SASH1: variants seen among roughly 807,000 people sequenced by gnomAD.
SASH1 encodes SAM and SH3 domain containing 1.
SASH1 carries 44 observed loss-of-function variants against 125.2 expected under a neutral mutation model. That is an observed-to-expected ratio of 0.35 (90% CI 0.28 to 0.45). The LOEUF (loss-of-function observed/expected upper bound fraction) is 0.45. Among genes scored for constraint, SASH1 ranks in the 20% least tolerant of loss-of-function variants. The probability of loss-of-function intolerance (pLI) is 1.00; values close to 1 mark genes in which losing one functional copy is unlikely to be tolerated. For synonymous variants in SASH1, 639 were observed against 649.1 expected, an observed-to-expected ratio of 0.98 and a Z score of 0.24; for missense variants, 1,426 against 1,614.5, an observed-to-expected ratio of 0.88 and a Z score of 2.00.
chr6:148,242,218 T>C, the SASH1 span, among the ~76,000 whole-genome samples: 1 of 152,176 alleles, frequency 6.6e-6, no homozygotes, highest in Admixed American at 6.5e-5. Context: ...TTTCCTTGTG[T>C]AAGTAACAAG....
At chr6:148,323,684 G>T (rs548982336) in intron 1 of SASH1, among the ~76,000 whole-genome samples, 2 of 152,264 alleles carry the variant, frequency 1.3e-5, no homozygotes, top group South Asian at 4.2e-4. Flanking sequence ...AGATGCAGAG[G>T]AGGCTGAGAA....
the SASH1 span, among the ~76,000 whole-genome samples, chr6:148,194,867 C>T: frequency 2.0e-5 from 3 of 152,242 alleles, no homozygotes; most frequent in Non-Finnish European, 2.9e-5. Flanking sequence ...GATCGCGCCA[C>T]TGCACTCCAG....
chr6:148,257,621 C>T, the SASH1 span, among the ~76,000 whole-genome samples: 1 of 148,954 alleles, frequency 6.7e-6, no homozygotes, highest in African/African-American at 2.5e-5. Context: ...TTGTCATTGT[C>T]AGTTTACTTT....
chr6:148,338,503 G>T (rs1234548356), upstream of SASH1, among the ~76,000 whole-genome samples: 1 of 151,740 alleles, frequency 6.6e-6, no homozygotes, highest in African/African-American at 2.4e-5. Flanking sequence ...GTGTTCACTT[G>T]GACTTATCAT....
At chr6:148,527,991 G>T (rs1308061898) in intron 12 of SASH1, among the ~76,000 whole-genome samples, 21 of 135,674 alleles carry the variant, frequency 1.5e-4, no homozygotes, top group African/African-American at 2.8e-4. Flanking sequence ...TTTTTTTTGG[G>T]GGGGGGGGTG....
At chr6:148,241,125 C>G in the SASH1 span, among the ~76,000 whole-genome samples, 1 of 152,186 alleles carries the variant, frequency 6.6e-6, no homozygotes, top group Non-Finnish European at 1.5e-5. Context: ...TTAGAACCAT[C>G]AGATTCTAGG....
At chr6:148,369,973 A>AC (rs1782645776) in intron 1 of SASH1, among the ~76,000 whole-genome samples, 1 of 149,680 alleles carries the variant, frequency 6.7e-6, no homozygotes, top group Non-Finnish European at 1.5e-5. Context: ...AAACAAAAAA[A>AC]AAAAAAAAAA....
chr6:148,360,150 G>A (rs1490407179), intron 1 of SASH1, among the ~76,000 whole-genome samples: 1 of 151,988 alleles, frequency 6.6e-6, no homozygotes, highest in Non-Finnish European at 1.5e-5. Flanking sequence ...TTCCTACATG[G>A]CTCTGCATTC....
At chr6:148,443,671 T>G (rs1776653565) in intron 4 of SASH1, among the ~76,000 whole-genome samples, 3 of 151,976 alleles carry the variant, frequency 2.0e-5, no homozygotes, top group Admixed American at 1.3e-4. Flanking sequence ...CATTGATGAT[T>G]ATTTTGTATA....
In SASH1 at chr6:148,440,403, A is replaced by G. The variant is rs1339912073; in HGVS notation, c.382A>G (p.Arg128Gly). ...CGCCGTGTCAACCCCAGAAGTGGAA[A>G]GAAAGTAAGTCTTTCTCCCTCTGCC... ...CSAVSTPEVE[R>G]KNPLHKSNSE... The change falls in exon 4 of 20, where the codon AGA becomes GGA. Residue 128 changes from arginine (R) to glycine (G), a missense_variant. Arg to Gly is a moderately radical substitution (Grantham distance 125). This residue lies in a region of SASH1 where 567 missense variants were observed against 575.6 expected (regional missense o/e 0.99). Transcript: ENST00000367467. The G allele has an allele frequency of 1.9e-6, 3 of 1,614,018 alleles. No individual in the cohort carries two copies. The Admixed American group carries it at 5.0e-5, about 27-fold the overall frequency.
chr6:148,366,230 G>A (rs1445336317), intron 1 of SASH1, among the ~76,000 whole-genome samples: 5 of 152,130 alleles, frequency 3.3e-5, no homozygotes, highest in Non-Finnish European at 7.3e-5. Flanking sequence ...GCTGCAGTGA[G>A]CTGTGTTCGC....
rs368513083 is a variant in SASH1 at position 148,527,587 on chromosome 6, C to T, written c.1419C>T (p.Val473=). The T allele has an allele frequency of 2.2e-5, 36 of 1,608,840 alleles. No homozygotes were observed. The highest frequency in any genetic ancestry group is 1.7e-4 in the Middle Eastern group (1 of 6,046). Residue 473 remains valine, a synonymous_variant, in exon 12 of 20, where the codon GTC becomes GTT. Transcript: ENST00000367467. The part of the protein sequence containing the change: ...KRMSKKYSSS[V]SEQDSGLDGM... The stretch of plus-strand genomic sequence containing the variant: ...TGTCTAAAAAATACAGCAGCTCTGT[C>T]TCTGAGCAGGTATGCAGCTACCTGG...
chr6:148,322,732 G>GTC (rs773325585), intron 1 of SASH1, among the ~76,000 whole-genome samples: 10 of 151,912 alleles, frequency 6.6e-5, no homozygotes, highest in East Asian at 1.9e-4. Flanking sequence ...TCTAGAACCA[G>GTC]TCTCTCTCTC....
chr6:148,447,551 C>G (rs1001772164), intron 4 of SASH1, among the ~76,000 whole-genome samples: 1 of 152,162 alleles, frequency 6.6e-6, no homozygotes, highest in Non-Finnish European at 1.5e-5. Context: ...CCCTCCAACT[C>G]CCTGCTTTGG....
the SASH1 span, among the ~76,000 whole-genome samples, chr6:148,251,113 G>A: frequency 6.6e-6 from 1 of 152,168 alleles, no homozygotes; most frequent in Admixed American, 6.5e-5. Context: ...GCTTGTCAGT[G>A]TAACATCAAG....
chr6:148,302,762 C>T (rs1780003837), intron 1 of SASH1, among the ~76,000 whole-genome samples: 1 of 136,546 alleles, frequency 7.3e-6, no homozygotes, highest in African/African-American at 2.6e-5. Context: ...TATTTATATA[C>T]TGTGTGTGTG....
chr6:148,531,092 T>C (rs1226504187), intron 12 of SASH1, among the ~76,000 whole-genome samples: 1 of 152,218 alleles, frequency 6.6e-6, no homozygotes. Flanking sequence ...ATACACTTTT[T>C]TAAAAGTGCA....
chr6:148,475,635 G>A (rs903574708), intron 7 of SASH1, among the ~76,000 whole-genome samples: 7 of 152,102 alleles, frequency 4.6e-5, no homozygotes, highest in African/African-American at 7.2e-5. Flanking sequence ...CATAGAAACC[G>A]TAACATTCAA....
rs1354150193 is a variant in SASH1, at chr6:148,544,413, A to G, written c.2943A>G (p.Pro981=). 1.9e-6 allele frequency: 3 copies of G among 1,614,096 alleles called. No homozygotes were observed. Among genetic ancestry groups the G allele is most frequent in the African/African-American group, 1.3e-5 (1 of 74,942 alleles). ...DAEQRMQPKI[P]SQPPPVPAKK... ...AGCAGAGAATGCAGCCCAAAATTCC[A>G]TCACAGCCTCCACCTGTTCCTGCCA... The change falls in exon 18 of 20, where the codon CCA becomes CCG. Residue 981 remains proline, a synonymous_variant. Transcript: ENST00000367467. This position sits in a 1 kb window ranked among gnomAD's most constrained non-coding sequence, Gnocchi z 6.4.
Sources: allele counts gnomAD v4.1 joint callset (sites outside exome capture counted in the v4.1 genomes callset), GRCh38; gene constraint gnomAD v4.1.1; regional missense constraint gnomAD v4.1.1; non-coding constraint Gnocchi (gnomAD v3.1); transcripts MANE v1.5; gene names NCBI Gene and HGNC (gene_info 2026-07-23, HGNC 2026-07-21).